The following ZNF397 variants were observed in gnomAD, a reference collection of about 807,000 sequenced individuals.
The protein encoded by ZNF397 is zinc finger protein 397.
A neutral mutation model predicts 50.6 loss-of-function variants in ZNF397; 38 were observed. The ratio of observed to expected loss-of-function variants is 0.75; its 90% CI spans 0.58 to 0.98. The LOEUF is 0.98. Among genes scored for constraint, ZNF397 ranks in the 50% least tolerant of loss-of-function variants. ZNF397 has a pLI of 0.00. For missense variants in ZNF397, 624 were observed against 624.1 expected, an observed-to-expected ratio of 1.00 and a Z score of 0.00; for synonymous variants, 228 against 215.2, an observed-to-expected ratio of 1.06 and a Z score of -0.52.
intron 5 of ZNF397, chr18:35,257,166 C>G (rs567798199): frequency 6.6e-6 from 1 of 152,360 alleles, no homozygotes; most frequent in African/African-American, 2.4e-5. Flanking sequence ...GTTCAGTGAG[C>G]AATTCCATCC....
downstream of ZNF397, chr18:35,253,520 C>T (rs1467740666): frequency 6.2e-7 from 1 of 1,612,656 alleles, no homozygotes; most frequent in African/African-American, 1.3e-5. Flanking sequence ...TCTACATTCA[C>T]TACATTCATA....
In ZNF397 at chr18:35,245,611, A is replaced by G. The variant is rs1486705705; in HGVS notation, c.906A>G (p.Gln302=). Reference sequence around the variant, plus strand: ...TCAAGCAGCATTCCTCTCTAACACAACATCAGAGAATCCATACTGGAGAAA... The same window carrying G: ...TCAAGCAGCATTCCTCTCTAACACAGCATCAGAGAATCCATACTGGAGAAA... ...HSFKQHSSLT[Q]HQRIHTGEKP... is the part of the protein sequence containing the mutation. The change falls in exon 4 of 4, where the codon CAA becomes CAG. Residue 302 remains glutamine, a synonymous_variant. Coordinates refer to ENST00000330501, the MANE Select transcript of ZNF397 (RefSeq NM_001135178.3). The G allele has an allele frequency of 6.4e-7, 1 of 1,554,348 alleles. No individual in the cohort carries two copies. Among genetic ancestry groups the G allele is most frequent in the Non-Finnish European group, 8.7e-7 (1 of 1,148,312 alleles).
downstream of ZNF397, chr18:35,253,353 A>G (rs2043662488): frequency 1.0e-6 from 1 of 966,014 alleles, no homozygotes. Context: ...AGGGAAGGAC[A>G]GAAGTTCTGC....
rs1598589322 is a variant in ZNF397 at position 35,249,671 on chromosome 18, A to C, written c.*3361A>C. The stretch of plus-strand genomic sequence containing the variant: ...GTGTCTCAAAAAAAAAAAAAAAAAA[A>C]AAAAAAACACTGATGTCAATTAATA... On this transcript the variant is annotated 3_prime_UTR_variant, in exon 4 of 4. Transcript: ENST00000330501. 6.7e-6 allele frequency: 1 copy of C among 149,720 alleles called. No homozygotes were observed. Among genetic ancestry groups the C allele is most frequent in the South Asian group, 2.1e-4 (1 of 4,762 alleles). 9.3% of individuals were successfully genotyped at this position (149,720 alleles called of 1,614,324 possible).
chr18:35,245,667 C>G lies in ZNF397; in HGVS notation c.962C>G (p.Ala321Gly). Residue 321 changes from alanine (A) to glycine (G), a missense_variant, in exon 4 of 4, where the codon GCC (alanine) becomes GGC (glycine). By Grantham distance (60) the Ala-to-Gly change is moderately conservative. Transcript: ENST00000330501. ...KPYKCNQCGK[A>G]FSLRSYLIIH... The stretch of plus-strand genomic sequence containing the variant: ...TATAAATGTAACCAGTGTGGGAAGG[C>G]CTTTAGTTTGAGGTCCTATCTTATT... 2 of 1,553,240 alleles carry G rather than the reference C, an allele frequency of 1.3e-6. No homozygotes were observed. The highest frequency in any genetic ancestry group is 1.7e-6 in the Non-Finnish European group (2 of 1,147,872).
intron 3 of ZNF397, 109 bp downstream of exon 3, chr18:35,243,402 T>C (rs1158084999): frequency 6.5e-7 from 1 of 1,538,504 alleles, no homozygotes; most frequent in Non-Finnish European, 9.0e-7. Context: ...ATCACCTTTA[T>C]TATTCTAAAC....
At chr18:35,252,417 T>A (rs575610215), downstream of ZNF397, 1 of 152,224 alleles carries the variant, frequency 6.6e-6, no homozygotes, top group Non-Finnish European at 1.5e-5. Context: ...CCCCATTCCC[T>A]GCCCACACCC....
rs557723421 is a variant in ZNF397, at chr18:35,245,136, GA to G, written c.557-118del. On this transcript the variant is annotated intron_variant, in intron 3 of 3. Transcript: ENST00000330501. ...AAGAGAGACCCTCTTTTGGCCAGTT[GA>G]AAAAAAAGATACTGGAGGACAGTGA... The G allele has an allele frequency of 1.2e-3, 1,563 of 1,292,692 alleles. 2 individuals are homozygous for G. Among genetic ancestry groups the G allele is most frequent in the South Asian group, 1.6e-3 (93 of 57,660 alleles). The allele number at this position is 1,292,692 out of a possible 1,614,324, so 80.1% of individuals were successfully genotyped here.
chr18:35,245,032 G>A (rs2043449125), intron 3 of ZNF397, among the ~76,000 whole-genome samples: 1 of 152,100 alleles, frequency 6.6e-6, no homozygotes. Context: ...AAAAATTGTA[G>A]GTAATTTATC....
chr18:35,258,480 G>C (rs183443763), downstream of ZNF397: 187 of 155,916 alleles, frequency 1.2e-3, 1 homozygote, highest in Middle Eastern at 0.013. Context: ...AACTTCAGAT[G>C]AATGTGGAGA....
At chr18:35,258,684 AT>A (rs1435504646), downstream of ZNF397, 1 of 151,966 alleles carries the variant, frequency 6.6e-6, no homozygotes, top group African/African-American at 2.4e-5. Flanking sequence ...AGCCTGGCCA[AT>A]ATGGTGAAAC....
At chr18:35,252,971 T>A (rs1362517534), downstream of ZNF397, 2 of 154,560 alleles carry the variant, frequency 1.3e-5, no homozygotes, top group African/African-American at 2.4e-5. Flanking sequence ...ACTAATAGCA[T>A]AATTCAATAT....
intron 3 of ZNF397, among the ~76,000 whole-genome samples, chr18:35,244,510 G>A (rs1323665165): frequency 6.6e-6 from 1 of 152,142 alleles, no homozygotes; most frequent in Admixed American, 6.5e-5. Context: ...AGAGTTTGTA[G>A]AGTAAGGATA....
chr18:35,243,164 C>T lies in ZNF397; in HGVS notation c.427C>T (p.Pro143Ser), dbSNP rs760125312. 9.3e-6 allele frequency: 15 copies of T among 1,614,038 alleles called. No individual in the cohort carries two copies. Among genetic ancestry groups the T allele is most frequent in the African/African-American group, 2.7e-5 (2 of 74,906 alleles). ...TTACTGATTTCAGGTCCCAGCTAGT[C>T]CACAGGGACCAGCAGTGCCATGGAA... ...DDPGQQVPASPQGPAVPWKDL... is the reference protein window; with the variant it reads ...DDPGQQVPASSQGPAVPWKDL... The change falls in exon 3 of 4, where the codon CCA becomes TCA. Residue 143 changes from proline to serine, a missense_variant. Physicochemically the swap from Pro to Ser is moderately conservative, Grantham distance 74 (BLOSUM62 -1). Coordinates refer to ENST00000330501, the MANE Select transcript of ZNF397 (RefSeq NM_001135178.3).
Position 35,245,905 on chromosome 18 carries a change from T to G in ZNF397, c.1200T>G (p.Asn400Lys). ...CTGGTGAGAAACCTTATGAGTGTAA[T>G]GAATGTGGGAAAACCTTTAGCCAGA... ...IHTGEKPYECNECGKTFSQSS... is the reference protein window; with the variant it reads ...IHTGEKPYECKECGKTFSQSS... Residue 400 changes from asparagine (N) to lysine (K), a missense_variant, in exon 4 of 4, where the codon AAT becomes AAG. Physicochemically the swap from Asn to Lys is moderately conservative, Grantham distance 94. Coordinates refer to ENST00000330501, the MANE Select transcript of ZNF397 (RefSeq NM_001135178.3). 1 of 1,566,824 alleles carries G rather than the reference T, an allele frequency of 6.4e-7. No individual in the cohort carries two copies. Among genetic ancestry groups the G allele is most frequent in the Non-Finnish European group, 8.7e-7 (1 of 1,155,726 alleles).
downstream of ZNF397, chr18:35,254,059 C>G (rs2043698822): frequency 6.2e-7 from 1 of 1,614,056 alleles, no homozygotes; most frequent in Non-Finnish European, 8.5e-7. Context: ...TGTCAACGCT[C>G]TGTTGTGTAA....
intron 1 of ZNF397, chr18:35,241,412 G>A (rs1424718027): frequency 6.6e-6 from 1 of 152,164 alleles, no homozygotes; most frequent in Non-Finnish European, 1.5e-5. Context: ...TAAATTTGTA[G>A]GCTAAATATT....
chr18:35,243,447 C>A, intron 3 of ZNF397, 154 bp downstream of exon 3: 1 of 986,300 alleles, frequency 1.0e-6, no homozygotes, highest in East Asian at 2.5e-5. Context: ...TGTATTCACC[C>A]CTCATGAATT....
chr18:35,242,452 T>C lies in ZNF397; in HGVS notation c.-19T>C. Reference sequence around the variant, plus strand: ...GAACCAGTTGTACTGAGCTTTTTGCTAAGCTGTTTCAGCCAAGAATGGCTG... The same window carrying C: ...GAACCAGTTGTACTGAGCTTTTTGCCAAGCTGTTTCAGCCAAGAATGGCTG... On this transcript the variant is annotated 5_prime_UTR_variant, in exon 2 of 4. Transcript: ENST00000330501. 1 of 1,602,006 alleles carries C rather than the reference T, an allele frequency of 6.2e-7. No individual in the cohort carries two copies. Among genetic ancestry groups the C allele is most frequent in the Non-Finnish European group, 8.5e-7 (1 of 1,173,364 alleles).
Sources: gnomAD v4.1 joint callset for allele counts (sites outside exome capture counted in the v4.1 genomes callset) on GRCh38, gnomAD v4.1.1 for gene constraint, MANE v1.5 for transcripts, NCBI Gene and HGNC (gene_info 2026-07-23, HGNC 2026-07-21) for gene names.